Variants in PLD1 observed in about 807,000 individuals in gnomAD.
The protein encoded by PLD1 is choline phosphatase 1.
PLD1 carries 112 observed loss-of-function variants against 137.1 expected under a neutral mutation model. The ratio of observed to expected loss-of-function variants is 0.82; its 90% CI spans 0.70 to 0.96. PLD1 has a LOEUF of 0.96. Among genes scored for constraint, PLD1 ranks in the 40% least tolerant of loss-of-function variants. The probability of loss-of-function intolerance (pLI) is 0.00; values close to 1 mark genes in which losing one functional copy is unlikely to be tolerated. For missense variants in PLD1, 1,321 were observed against 1,342.0 expected, an observed-to-expected ratio of 0.98 and a Z score of 0.24; for synonymous variants, 431 against 454.7, an observed-to-expected ratio of 0.95 and a Z score of 0.66.
intron 5 of PLD1, 146 bp from the exon 6 acceptor site, chr3:171,733,655 A>G: frequency 3.7e-6 from 2 of 547,716 alleles, no homozygotes; most frequent in Non-Finnish European, 6.4e-6. Context: ...TGGAGCAAGG[A>G]ATCCTGAATA....
At chr3:171,711,817 TAAAAAAAAAAAA>T (rs36106956) in intron 9 of PLD1, among the ~76,000 whole-genome samples, 2 of 99,206 alleles carry the variant, frequency 2.0e-5, no homozygotes, top group African/African-American at 7.9e-5. Flanking sequence ...TTATAAATGC[TAAAAAAAAAAAA>T]AAAAAAAAAA....
intron 19 of PLD1, among the ~76,000 whole-genome samples, chr3:171,672,729 C>T (rs1712909219): frequency 6.6e-6 from 1 of 152,156 alleles, no homozygotes; most frequent in African/African-American, 2.4e-5. Context: ...AGGCTCTCCT[C>T]CTGCCTTGGC....
intron 1 of PLD1, among the ~76,000 whole-genome samples, chr3:171,768,987 G>T (rs891290569): frequency 6.6e-6 from 1 of 152,192 alleles, no homozygotes; most frequent in Non-Finnish European, 1.5e-5. Context: ...TGCAATGTGT[G>T]TTCCAAACCT....
At chr3:171,639,848 C>CTCTATATATATATATATATATA (rs3050415) in intron 23 of PLD1, among the ~76,000 whole-genome samples, 8 of 110,190 alleles carry the variant, frequency 7.3e-5, no homozygotes, top group African/African-American at 3.1e-4. Context: ...CTCTCTCTCT[C>CTCTATATATATATATATATATA]TATATATATA....
chr3:171,731,330 C>T (rs1718931296), intron 6 of PLD1, among the ~76,000 whole-genome samples: 1 of 152,152 alleles, frequency 6.6e-6, no homozygotes, highest in South Asian at 2.1e-4. Context: ...AATCTCATTT[C>T]ACAAATATGA....
intron 22 of PLD1, among the ~76,000 whole-genome samples, chr3:171,644,412 T>C (rs944478306): frequency 2.0e-5 from 3 of 152,186 alleles, no homozygotes; most frequent in African/African-American, 7.2e-5. Flanking sequence ...AAACTTTCCC[T>C]AAAATTTTAA....
At chr3:171,794,937 T>C (rs1010567418) in intron 1 of PLD1, among the ~76,000 whole-genome samples, 2 of 152,254 alleles carry the variant, frequency 1.3e-5, no homozygotes, top group African/African-American at 4.8e-5. Context: ...TACTTGTAAT[T>C]GTGTGCAACA....
intron 6 of PLD1, among the ~76,000 whole-genome samples, chr3:171,730,181 A>T (rs938110066): frequency 7.2e-5 from 11 of 152,218 alleles, no homozygotes; most frequent in African/African-American, 2.7e-4. Context: ...AGCCAGCACT[A>T]ATACAATTTC....
At chr3:171,784,265 CA>C (rs1722905079) in intron 1 of PLD1, among the ~76,000 whole-genome samples, 1 of 150,750 alleles carries the variant, frequency 6.6e-6, no homozygotes, top group South Asian at 2.1e-4. Flanking sequence ...TGGAACAAAA[CA>C]AATACCACAT....
chr3:171,603,010 C>A lies in PLD1; in HGVS notation c.*68G>T. ...TCAGGCCTGGCTTTGGCTATGACATCCCCAGGAAGTCACTGTGTGCAGTGT... is the reference window on the plus strand; with the variant it reads ...TCAGGCCTGGCTTTGGCTATGACATACCCAGGAAGTCACTGTGTGCAGTGT... On this transcript the variant is annotated 3_prime_UTR_variant, in exon 27 of 27. Coordinates refer to ENST00000351298, the MANE Select transcript of PLD1 (RefSeq NM_002662.5). 3 of 1,174,240 alleles carry A rather than the reference C, an allele frequency of 2.6e-6. No homozygotes were observed. Among genetic ancestry groups the A allele is most frequent in the Non-Finnish European group, 3.8e-6 (3 of 793,592 alleles). The allele number at this position is 1,174,240 out of a possible 1,614,324, so 72.7% of individuals were successfully genotyped here. A position where few individuals can be genotyped will look rare whatever the true frequency, so the allele number is the denominator to read the frequency against.
At chr3:171,638,926 C>T (rs1032438823) in intron 23 of PLD1, among the ~76,000 whole-genome samples, 1 of 152,060 alleles carries the variant, frequency 6.6e-6, no homozygotes, top group African/African-American at 2.4e-5. Context: ...AAAAAGAATT[C>T]ATGCCTTTTG....
intron 9 of PLD1, among the ~76,000 whole-genome samples, chr3:171,711,208 G>A (rs1471497166): frequency 2.5e-5 from 2 of 81,180 alleles, no homozygotes; most frequent in Non-Finnish European, 4.6e-5. Context: ...GTCTTGCTTT[G>A]TCACCAGGCT....
chr3:171,611,690 C>A, intron 25 of PLD1: 1 of 503,396 alleles, frequency 2.0e-6, no homozygotes, highest in Non-Finnish European at 3.9e-6. Flanking sequence ...TGGCATACCC[C>A]TTCAATAATT....
intron 8 of PLD1, chr3:171,721,652 T>G (rs907933837): frequency 6.6e-6 from 1 of 152,084 alleles, no homozygotes; most frequent in African/African-American, 2.4e-5. Flanking sequence ...TAGGGAGGAG[T>G]GGTCAGAAGG....
chr3:171,770,395 C>T (rs565433131), intron 1 of PLD1, among the ~76,000 whole-genome samples: 1 of 152,188 alleles, frequency 6.6e-6, no homozygotes, highest in East Asian at 1.9e-4. Context: ...TTCTGGTTCA[C>T]TGAAACTCCA....
At chr3:171,803,854 A>G (rs1431903898) in intron 1 of PLD1, among the ~76,000 whole-genome samples, 2 of 152,226 alleles carry the variant, frequency 1.3e-5, no homozygotes, top group African/African-American at 2.4e-5. Context: ...TAATAAACAT[A>G]AATAGCATAG....
At chr3:171,804,096 C>T (rs987124633) in intron 1 of PLD1, among the ~76,000 whole-genome samples, 13 of 152,012 alleles carry the variant, frequency 8.6e-5, no homozygotes, top group African/African-American at 3.1e-4. Flanking sequence ...ATTCTTAGCC[C>T]CTTTGGTTAA....
intron 23 of PLD1, among the ~76,000 whole-genome samples, chr3:171,639,597 TC>T (rs1318495014): frequency 1.5e-4 from 13 of 88,918 alleles, no homozygotes; most frequent in African/African-American, 6.8e-4. Context: ...TAATATATAT[TC>T]ATATAATATA....
intron 1 of PLD1, among the ~76,000 whole-genome samples, chr3:171,759,275 G>T (rs562154047): frequency 6.6e-6 from 1 of 152,236 alleles, no homozygotes; most frequent in South Asian, 2.1e-4. Context: ...TCTCACAAGA[G>T]AGTTCATTTT....
Sources: allele counts gnomAD v4.1 joint callset (sites outside exome capture counted in the v4.1 genomes callset), GRCh38; gene constraint gnomAD v4.1.1; transcripts MANE v1.5; gene names NCBI Gene and HGNC (gene_info 2026-07-23, HGNC 2026-07-21).